RAB3C: variants seen among roughly 807,000 people sequenced by gnomAD.
RAB3C encodes ras-related protein Rab-3C.
A neutral mutation model predicts 26.4 loss-of-function variants in RAB3C; 17 were observed. That is an observed-to-expected ratio of 0.64 (90% CI 0.44 to 0.97). The LOEUF (loss-of-function observed/expected upper bound fraction) is 0.97, where lower values mean the gene tolerates loss of function less well. Among genes scored for constraint, RAB3C ranks in the 50% least tolerant of loss-of-function variants. RAB3C has a pLI of 0.00. For synonymous variants in RAB3C, 91 were observed against 95.9 expected (o/e 0.95, Z 0.30); for missense variants, 242 against 281.9 (o/e 0.86, Z 1.01).
chr5:58,724,596 A>T (rs143735263), intron 2 of RAB3C, among the ~76,000 whole-genome samples: 1 of 151,768 alleles, frequency 6.6e-6, no homozygotes, highest in Non-Finnish European at 1.5e-5. Flanking sequence ...AATAAATATG[A>T]TCTATCTTTT....
At chr5:58,673,573 TC>T (rs2111828044) in intron 2 of RAB3C, among the ~76,000 whole-genome samples, 1 of 151,976 alleles carries the variant, frequency 6.6e-6, no homozygotes, top group South Asian at 2.1e-4. Context: ...TAAAAAGACA[TC>T]ATACATTTTA....
rs144007307 is a variant in RAB3C at position 58,605,663 on chromosome 5, C to T, written c.25-11980C>T. On this transcript the variant is annotated intron_variant, in intron 1 of 4. Coordinates refer to ENST00000282878, the MANE Select transcript of RAB3C (RefSeq NM_138453.4). ...CTGTAATCCTAGTACTTTGGGAGGC[C>T]GAGGCAGGAGGATCTCTTGAGGTCA... Among the ~76,000 whole-genome samples the T allele has an allele frequency of 6.2e-3, 939 of 152,046 alleles. 7 individuals carry two copies. The highest frequency in any genetic ancestry group is 0.021 in the African/African-American group (866 of 41,470).
intron 3 of RAB3C, among the ~76,000 whole-genome samples, chr5:58,810,333 G>A (rs1314637361): frequency 2.0e-5 from 3 of 151,478 alleles, no homozygotes; most frequent in Non-Finnish European, 4.4e-5. Context: ...AGAGACAAAA[G>A]TGCTTCTACT....
chr5:58,775,050 A>G (rs1245237308), intron 3 of RAB3C, among the ~76,000 whole-genome samples: 1 of 152,086 alleles, frequency 6.6e-6, no homozygotes, highest in Non-Finnish European at 1.5e-5. Flanking sequence ...TGTGTTATGA[A>G]TTGAGTAGAG....
intron 2 of RAB3C, among the ~76,000 whole-genome samples, chr5:58,679,815 C>T (rs969792740): frequency 3.3e-5 from 5 of 152,100 alleles, no homozygotes; most frequent in African/African-American, 4.8e-5. Context: ...TTTCTTTGCA[C>T]GGTAAAATAA....
intron 2 of RAB3C, among the ~76,000 whole-genome samples, chr5:58,625,576 C>A (rs185313106): frequency 1.3e-5 from 2 of 152,008 alleles, no homozygotes; most frequent in Non-Finnish European, 2.9e-5. Context: ...ATTCAAATAC[C>A]GGCCGGGCAC....
At chr5:58,619,326 A>G (rs1032186832) in intron 2 of RAB3C, among the ~76,000 whole-genome samples, 1 of 152,118 alleles carries the variant, frequency 6.6e-6, no homozygotes, top group Non-Finnish European at 1.5e-5. Flanking sequence ...GGAGATACCT[A>G]TCACACACTC....
At chr5:58,646,724 A>T (rs900413435) in intron 2 of RAB3C, among the ~76,000 whole-genome samples, 29 of 151,368 alleles carry the variant, frequency 1.9e-4, no homozygotes, top group African/African-American at 7.0e-4. Flanking sequence ...CTGTGATCAC[A>T]CTCTCTCACC....
intron 2 of RAB3C, among the ~76,000 whole-genome samples, chr5:58,715,633 A>T (rs1749154979): frequency 1.3e-5 from 2 of 152,132 alleles, no homozygotes; most frequent in Admixed American, 1.3e-4. Context: ...CCATGATGAA[A>T]ATATGGTTCT....
In RAB3C at chr5:58,859,172, T is replaced by G. The variant is rs2112100111; in HGVS notation, c.*7821T>G. The stretch of plus-strand genomic sequence containing the variant: ...TGCTGCATAGCAAATATTGTGACTC[T>G]TCATGTGTCCACAGGAGCTCTTGTG... On this transcript the variant is annotated 3_prime_UTR_variant, in exon 5 of 5. Coordinates refer to ENST00000282878, the MANE Select transcript of RAB3C (RefSeq NM_138453.4). 6.6e-6 allele frequency: 1 copy of G among 152,368 alleles called. No individual in the cohort carries two copies. The highest frequency in any genetic ancestry group is 3.4e-3 in the Middle Eastern group (1 of 294). 9.4% of individuals were successfully genotyped at this position (152,368 alleles called of 1,614,324 possible). A position where few individuals can be genotyped will look rare whatever the true frequency, so the allele number is the denominator to read the frequency against.
intron 3 of RAB3C, among the ~76,000 whole-genome samples, chr5:58,734,905 C>T (rs1007997710): frequency 1.3e-5 from 2 of 152,236 alleles, no homozygotes; most frequent in Non-Finnish European, 2.9e-5. Context: ...AATTACAAGG[C>T]TGTTGTCCTG....
intron 3 of RAB3C, among the ~76,000 whole-genome samples, chr5:58,780,275 C>A (rs569689545): frequency 7.9e-5 from 12 of 152,098 alleles, no homozygotes; most frequent in African/African-American, 2.9e-4. Context: ...CATCCCCTCT[C>A]CTGGAGGGAG....
At chr5:58,596,313 C>A (rs1746247382) in intron 1 of RAB3C, among the ~76,000 whole-genome samples, 1 of 151,544 alleles carries the variant, frequency 6.6e-6, no homozygotes, top group Non-Finnish European at 1.5e-5. Flanking sequence ...TTTCTCAAGT[C>A]TATTCACTTT....
At chr5:58,635,616 C>T (rs1425699070) in intron 2 of RAB3C, among the ~76,000 whole-genome samples, 1 of 152,168 alleles carries the variant, frequency 6.6e-6, no homozygotes, top group Non-Finnish European at 1.5e-5. Flanking sequence ...AGGTGCCTGT[C>T]AGGACCAGGG....
At chr5:58,748,352 A>G (rs1378898173) in intron 3 of RAB3C, among the ~76,000 whole-genome samples, 1 of 152,206 alleles carries the variant, frequency 6.6e-6, no homozygotes, top group Non-Finnish European at 1.5e-5. Flanking sequence ...ACTAGGCTGA[A>G]AATTCTCATG....
chr5:58,810,098 C>T lies in RAB3C; in HGVS notation c.372-14940C>T, dbSNP rs901597084. Among the ~76,000 whole-genome samples, 4 of 152,276 alleles carry T rather than the reference C, an allele frequency of 2.6e-5. No homozygotes were observed. In the South Asian group the frequency reaches 8.3e-4, roughly 32 times the overall value. On this transcript the variant is annotated intron_variant, in intron 3 of 4. Coordinates refer to ENST00000282878, the MANE Select transcript of RAB3C (RefSeq NM_138453.4). ...GTGGAACAATAGAGCTGTTGCCCCT[C>T]CTAGAGAAGCTGCTGAAAGCCGGGG...
rs921242344 is a variant in RAB3C, at chr5:58,715,908, A to G, written c.253-10094A>G. Among the ~76,000 whole-genome samples the G allele has an allele frequency of 3.3e-5, 5 of 152,032 alleles. No homozygotes were observed. The East Asian group carries it at 7.7e-4, about 24-fold the overall frequency. Reference sequence around the variant, plus strand: ...CGTCATGCCCTGGAAGAGTGAATTTAAAGAAATAAGGGGTTAGTTACATAT... The same window carrying G: ...CGTCATGCCCTGGAAGAGTGAATTTGAAGAAATAAGGGGTTAGTTACATAT... On this transcript the variant is annotated intron_variant, in intron 2 of 4. Coordinates refer to ENST00000282878, the MANE Select transcript of RAB3C (RefSeq NM_138453.4).
At chr5:58,770,094 T>C (rs1742001204) in intron 3 of RAB3C, among the ~76,000 whole-genome samples, 1 of 152,194 alleles carries the variant, frequency 6.6e-6, no homozygotes, top group Non-Finnish European at 1.5e-5. Context: ...AGGAGGGTAA[T>C]TATTAATATG....
chr5:58,744,223 G>A (rs1019241969), intron 3 of RAB3C, among the ~76,000 whole-genome samples: 1 of 152,190 alleles, frequency 6.6e-6, no homozygotes, highest in Non-Finnish European at 1.5e-5. Flanking sequence ...AAAGACAGAC[G>A]TCAACTCATG....
Sources: gnomAD v4.1 joint callset for allele counts (sites outside exome capture counted in the v4.1 genomes callset) on GRCh38, gnomAD v4.1.1 for gene constraint, MANE v1.5 for transcripts, NCBI Gene and HGNC (gene_info 2026-07-23, HGNC 2026-07-21) for gene names.